The following CACNA1E variants were observed in gnomAD, a reference collection of about 807,000 sequenced individuals.
The protein encoded by CACNA1E is calcium voltage-gated channel subunit alpha1 E.
CACNA1E carries 40 observed loss-of-function variants against 259.2 expected under a neutral mutation model. The observed-to-expected ratio is 0.15, with a 90% confidence interval of 0.12 to 0.20. CACNA1E has a LOEUF of 0.20. CACNA1E is among the 10% of genes least tolerant of loss of function. The pLI is 1.00. For missense variants in CACNA1E, 1,874 were observed against 3,040.1 expected (o/e 0.62, Z 9.02); for synonymous variants, 1,104 against 1,138.5 (o/e 0.97, Z 0.61).
intron 7 of CACNA1E, among the ~76,000 whole-genome samples, chr1:181,710,352 C>A (rs1653225095): frequency 6.6e-6 from 1 of 152,180 alleles, no homozygotes. Context: ...TTTTATTGAG[C>A]ACTAGAGTAC....
upstream of CACNA1E, among the ~76,000 whole-genome samples, chr1:181,479,588 A>G (rs544977084): frequency 6.6e-6 from 1 of 152,190 alleles, no homozygotes; most frequent in Non-Finnish European, 1.5e-5. Context: ...CTGGTCATGA[A>G]CTTTTTCTGA....
Position 181,800,993 on chromosome 1 carries a change from A to AT in CACNA1E, c.*2160dup, listed in dbSNP as rs1662231164. 1 of 152,634 alleles carries AT rather than the reference A, an allele frequency of 6.6e-6. No homozygotes were observed. The highest frequency in any genetic ancestry group is 1.5e-5 in the Non-Finnish European group (1 of 68,034). 9.5% of individuals were successfully genotyped at this position (152,634 alleles called of 1,614,324 possible). ...GTGCTTGAGGGTGGCTGGGAATGTG[A>AT]TATACAGCACCCTGATCCTAACAGG... On this transcript the variant is annotated 3_prime_UTR_variant, in exon 48 of 48. Coordinates refer to ENST00000367573, the MANE Select transcript of CACNA1E (RefSeq NM_001205293.3).
intron 3 of CACNA1E, among the ~76,000 whole-genome samples, chr1:181,528,178 G>A (rs1667507986): frequency 1.3e-5 from 2 of 152,026 alleles, no homozygotes; most frequent in South Asian, 4.1e-4. Context: ...CATGGGGGCT[G>A]GACTTTCCCA....
chr1:181,749,881 C>T (rs1274955899), intron 25 of CACNA1E, among the ~76,000 whole-genome samples: 1 of 152,170 alleles, frequency 6.6e-6, no homozygotes, highest in Non-Finnish European at 1.5e-5. Flanking sequence ...CAAATGCCTC[C>T]CTCCCTTATT....
chr1:181,758,859 T>C lies in CACNA1E; in HGVS notation c.4596T>C (p.Phe1532=). 6.3e-7 allele frequency: 1 copy of C among 1,594,424 alleles called. No homozygotes were observed. Among genetic ancestry groups the C allele is most frequent in the South Asian group, 1.1e-5 (1 of 90,554 alleles). ...SLECVLKVIA[F]GFLNYFRDTW... ...AATGTGTCCTGAAGGTCATCGCTTT[T>C]GGCTTTTTGGTATGTTGCTGAATCC... is the stretch of plus-strand genomic sequence containing the variant. Residue 1532 remains phenylalanine, a synonymous_variant, in exon 32 of 48, where the codon TTT becomes TTC. Transcript: ENST00000367573. This position sits in a 1 kb window ranked among gnomAD's most constrained non-coding sequence, Gnocchi z 4.2.
chr1:181,403,432 C>T (rs1262152227), intron 1 of CACNA1E, among the ~76,000 whole-genome samples: 2 of 151,720 alleles, frequency 1.3e-5, no homozygotes, highest in Non-Finnish European at 2.9e-5. Flanking sequence ...TGTTCACTTC[C>T]CCACCTCAAA....
chr1:181,771,095 C>T (rs1659466571), intron 35 of CACNA1E, among the ~76,000 whole-genome samples, 198 bp from the exon 36 acceptor site: 1 of 152,290 alleles, frequency 6.6e-6, no homozygotes, highest in East Asian at 1.9e-4. Context: ...CCCTTTGCTG[C>T]ACTAGAGCAG....
At chr1:181,554,323 T>A (rs1458683649) in intron 3 of CACNA1E, among the ~76,000 whole-genome samples, 2 of 152,202 alleles carry the variant, frequency 1.3e-5, no homozygotes, top group Non-Finnish European at 2.9e-5. Context: ...CTGAATTTAG[T>A]TGTTATTCAG....
At chr1:181,525,569 A>C (rs1308049879) in intron 3 of CACNA1E, among the ~76,000 whole-genome samples, 1 of 152,228 alleles carries the variant, frequency 6.6e-6, no homozygotes, top group Admixed American at 6.5e-5. Flanking sequence ...ACTGGTTAAC[A>C]TTTGTCAAAC....
At chr1:181,550,743 A>G (rs1648045820) in intron 3 of CACNA1E, among the ~76,000 whole-genome samples, 1 of 151,988 alleles carries the variant, frequency 6.6e-6, no homozygotes, top group Non-Finnish European at 1.5e-5. Context: ...GCAGACAGTA[A>G]TGTACTGGAA....
chr1:181,410,172 C>T (rs187758164), intron 1 of CACNA1E, among the ~76,000 whole-genome samples: 5 of 152,042 alleles, frequency 3.3e-5, no homozygotes, highest in East Asian at 1.9e-4. Context: ...ATTTAAACAT[C>T]GTAGGAATGA....
At chr1:181,791,956 A>ACT in intron 44 of CACNA1E, among the ~76,000 whole-genome samples, 1 of 152,162 alleles carries the variant, frequency 6.6e-6, no homozygotes, top group East Asian at 1.9e-4. Flanking sequence ...TGAGACAGAG[A>ACT]ATCGTGCATG....
In CACNA1E at chr1:181,762,675, T is replaced by A; in HGVS notation, c.4689+18T>A. 2 of 1,468,428 alleles carry A rather than the reference T, an allele frequency of 1.4e-6. No homozygotes were observed. The highest frequency in any genetic ancestry group is 1.9e-6 in the Non-Finnish European group (2 of 1,050,876). The allele number at this position is 1,468,428 out of a possible 1,614,324, so 91.0% of individuals were successfully genotyped here. On this transcript the variant is annotated intron_variant, in intron 33 of 47. Coordinates refer to ENST00000367573, the MANE Select transcript of CACNA1E (RefSeq NM_001205293.3). ...ACAGCAAGGTGAATGGCTTATAAGA[T>A]CCATGTCTGTAAGCTTGGCCCTGGA...
chr1:181,416,746 C>G (rs1166542603), intron 2 of CACNA1E, among the ~76,000 whole-genome samples: 1 of 152,176 alleles, frequency 6.6e-6, no homozygotes, highest in East Asian at 1.9e-4. Flanking sequence ...CTCCCCTCTC[C>G]TGTCCTAAAA....
At chr1:181,630,384 G>GCCCCCCCCCCCCCCC (rs371364830) in intron 6 of CACNA1E, among the ~76,000 whole-genome samples, 1 of 145,046 alleles carries the variant, frequency 6.9e-6, no homozygotes, top group Non-Finnish European at 1.5e-5. Context: ...TAATTAACAT[G>GCCCCCCCCCCCCCCC]CCCCCCCACC....
At chr1:181,773,377 G>C (rs1248579672) in intron 37 of CACNA1E, among the ~76,000 whole-genome samples, 1 of 152,060 alleles carries the variant, frequency 6.6e-6, no homozygotes, top group East Asian at 1.9e-4. Context: ...TCTATAAAAT[G>C]GGAGAAAAAA....
At chr1:181,382,121 C>T (rs1182056221) in intron 1 of CACNA1E, among the ~76,000 whole-genome samples, 1 of 152,170 alleles carries the variant, frequency 6.6e-6, no homozygotes, top group Non-Finnish European at 1.5e-5. Flanking sequence ...AATTAGAGGT[C>T]ATCCAAAATG....
At chr1:181,627,506 T>G (rs1338276517) in intron 6 of CACNA1E, among the ~76,000 whole-genome samples, 1 of 152,146 alleles carries the variant, frequency 6.6e-6, no homozygotes, top group Non-Finnish European at 1.5e-5. Flanking sequence ...GACTGTTGTG[T>G]CATGGTGTCT....
intron 1 of CACNA1E, among the ~76,000 whole-genome samples, chr1:181,381,841 T>G (rs914701624): frequency 3.9e-5 from 6 of 152,194 alleles, no homozygotes; most frequent in Admixed American, 2.0e-4. Context: ...TGTAAAAGAT[T>G]GTGAATTCTA....
Sources: gnomAD v4.1 joint callset for allele counts (sites outside exome capture counted in the v4.1 genomes callset) on GRCh38, gnomAD v4.1.1 for gene constraint, Gnocchi (gnomAD v3.1) non-coding constraint, MANE v1.5 for transcripts, NCBI Gene and HGNC (gene_info 2026-07-23, HGNC 2026-07-21) for gene names.